ZRANB3: variants seen among roughly 807,000 people sequenced by gnomAD.
ZRANB3 encodes the protein DNA annealing helicase and endonuclease ZRANB3.
Under a neutral mutation model 133.8 loss-of-function variants are expected in ZRANB3, and 125 were observed. The ratio of observed to expected loss-of-function variants is 0.93; its 90% CI spans 0.81 to 1.08. The LOEUF (loss-of-function observed/expected upper bound fraction) is 1.08. ZRANB3 is among the 50% of genes least tolerant of loss of function. The pLI is 0.00. For synonymous variants in ZRANB3, 387 were observed against 432.7 expected, an observed-to-expected ratio of 0.89 and a Z score of 1.31; for missense variants, 1,229 against 1,275.5, an observed-to-expected ratio of 0.96 and a Z score of 0.56.
intron 3 of ZRANB3, among the ~76,000 whole-genome samples, chr2:135,359,722 A>G (rs1685589081): frequency 6.6e-6 from 1 of 152,218 alleles, no homozygotes; most frequent in Admixed American, 6.5e-5. Context: ...ACTGACACTG[A>G]CACTCAGTTT....
intron 2 of ZRANB3, among the ~76,000 whole-genome samples, chr2:135,485,056 A>T (rs1692029115): frequency 6.6e-6 from 1 of 152,074 alleles, no homozygotes; most frequent in Non-Finnish European, 1.5e-5. Context: ...ATAAATAAAA[A>T]TAAATATATT....
rs1003571045 is a variant in ZRANB3, at chr2:135,501,401, CTAT to C, written c.161+2925_161+2927del. Among the ~76,000 whole-genome samples, 41 of 152,110 alleles carry C rather than the reference CTAT, an allele frequency of 2.7e-4. 1 individual carries two copies. The highest frequency in any genetic ancestry group is 1.5e-5 in the Non-Finnish European group (1 of 68,000). ...AGAAAGTATAGCACTAACAATAGCA[CTAT>C]TATTCTTTGTCTGAAAATTCTTTAT... On this transcript the variant is annotated intron_variant, in intron 2 of 20. Coordinates refer to ENST00000264159, the MANE Select transcript of ZRANB3 (RefSeq NM_032143.4).
At chr2:135,370,391 T>C (rs1403939618) in intron 3 of ZRANB3, among the ~76,000 whole-genome samples, 3 of 152,066 alleles carry the variant, frequency 2.0e-5, no homozygotes, top group Non-Finnish European at 1.5e-5. Flanking sequence ...TGCATCCTCA[T>C]AGCTTAGCTC....
chr2:135,380,219 T>G (rs934852033), intron 3 of ZRANB3, among the ~76,000 whole-genome samples: 2 of 152,082 alleles, frequency 1.3e-5, no homozygotes, highest in Admixed American at 1.3e-4. Context: ...AATGGGAGAC[T>G]TTTAAAACCC....
chr2:135,220,854 A>ATTTTT (rs199874707), intron 15 of ZRANB3, among the ~76,000 whole-genome samples: 5 of 144,892 alleles, frequency 3.5e-5, no homozygotes, highest in African/African-American at 8.2e-5. Context: ...TGAACTAGGA[A>ATTTTT]TTTATTTTTT....
intron 2 of ZRANB3, among the ~76,000 whole-genome samples, chr2:135,418,855 T>C (rs1051787072): frequency 6.7e-6 from 1 of 150,068 alleles, no homozygotes; most frequent in African/African-American, 2.5e-5. Flanking sequence ...TAGATGAGAG[T>C]TGACAATGAA....
At chr2:135,223,285 TG>T (rs1387962069) in intron 15 of ZRANB3, among the ~76,000 whole-genome samples, 1 of 151,274 alleles carries the variant, frequency 6.6e-6, no homozygotes, top group Non-Finnish European at 1.5e-5. Flanking sequence ...AATAGAAAAA[TG>T]TAATTGTTAA....
chr2:135,479,108 C>CT (rs551277897), intron 2 of ZRANB3, among the ~76,000 whole-genome samples: 82 of 142,834 alleles, frequency 5.7e-4, no homozygotes, highest in African/African-American at 5.4e-4. Context: ...CTGGTATTGT[C>CT]TTTTTTTTTT....
chr2:135,201,502 A>G (rs1245664467), intron 20 of ZRANB3, among the ~76,000 whole-genome samples: 1 of 151,876 alleles, frequency 6.6e-6, no homozygotes, highest in Non-Finnish European at 1.5e-5. Context: ...AAAATACAAA[A>G]ATCAGCCAGG....
chr2:135,511,465 G>A (rs1366396004), intron 1 of ZRANB3: 2 of 848,790 alleles, frequency 2.4e-6, no homozygotes, highest in South Asian at 2.6e-5. Context: ...GGTGTTTGCT[G>A]TCTTTTCTTC....
In ZRANB3 at chr2:135,496,589, C is replaced by T. The variant is rs192503814; in HGVS notation, c.161+7740G>A. Reference sequence around the variant, plus strand: ...TATGTTCTAAATATTTAAAGAAATACGACACAGAACCAAAACATTGCAAAA... The same window carrying T: ...TATGTTCTAAATATTTAAAGAAATATGACACAGAACCAAAACATTGCAAAA... On this transcript the variant is annotated intron_variant, in intron 2 of 20. Coordinates refer to ENST00000264159, the MANE Select transcript of ZRANB3 (RefSeq NM_032143.4). Among the ~76,000 whole-genome samples the T allele has an allele frequency of 9.4e-4, 143 of 152,036 alleles. 1 individual carries two copies. The highest frequency in any genetic ancestry group is 3.4e-3 in the Middle Eastern group (1 of 294).
intron 2 of ZRANB3, among the ~76,000 whole-genome samples, chr2:135,446,283 A>G (rs985703976): frequency 2.0e-5 from 3 of 152,166 alleles, no homozygotes; most frequent in Non-Finnish European, 4.4e-5. Context: ...AGGGGAGACG[A>G]TAAAATACAG....
At chr2:135,294,484 C>A (rs976290227) in intron 8 of ZRANB3, among the ~76,000 whole-genome samples, 54 of 152,158 alleles carry the variant, frequency 3.5e-4, no homozygotes, top group Middle Eastern at 3.4e-3. Flanking sequence ...ATTCTTCTCT[C>A]TTTTCTTCTT....
At chr2:135,240,210 C>T (rs1182455830) in intron 12 of ZRANB3, among the ~76,000 whole-genome samples, 2 of 152,102 alleles carry the variant, frequency 1.3e-5, no homozygotes, top group Middle Eastern at 3.4e-3. Context: ...GGCATGGTGG[C>T]GTGCGCCTGT....
intron 12 of ZRANB3, among the ~76,000 whole-genome samples, chr2:135,240,074 G>A (rs1695485520): frequency 6.6e-6 from 1 of 152,144 alleles, no homozygotes; most frequent in Admixed American, 6.5e-5. Context: ...TGAGTACAGT[G>A]GCTCATGCCT....
intron 13 of ZRANB3, 147 bp from the exon 14 acceptor site, chr2:135,228,162 C>T: frequency 1.5e-6 from 1 of 653,414 alleles, no homozygotes; most frequent in African/African-American, 1.8e-5. Context: ...ACTATATACC[C>T]AGTACTATTC....
chr2:135,459,384 C>T lies in ZRANB3; in HGVS notation c.161+44945G>A, dbSNP rs548530231. On this transcript the variant is annotated intron_variant, in intron 2 of 20. Coordinates refer to ENST00000264159, the MANE Select transcript of ZRANB3 (RefSeq NM_032143.4). ...TGAGACAATGTCAGTGCCCAGCTTG[C>T]CTAGTAAAATTTGAAGCTCAAATCA... 6.6e-5 allele frequency among the ~76,000 whole-genome samples: 10 copies of T among 152,228 alleles called. No individual in the cohort carries two copies. In the East Asian group the frequency reaches 1.5e-3, roughly 23 times the overall value.
intron 8 of ZRANB3, among the ~76,000 whole-genome samples, chr2:135,298,723 A>C (rs1682284647): frequency 6.6e-6 from 1 of 152,178 alleles, no homozygotes; most frequent in African/African-American, 2.4e-5. Context: ...TGCTGAAGAT[A>C]GTAGGGCAGT....
intron 6 of ZRANB3, among the ~76,000 whole-genome samples, chr2:135,334,886 C>T (rs1333928038): frequency 6.6e-6 from 1 of 151,924 alleles, no homozygotes; most frequent in Non-Finnish European, 1.5e-5. Flanking sequence ...CAGAGCAAGA[C>T]TCCATCTCAA....
Sources: gnomAD v4.1 joint callset for allele counts (sites outside exome capture counted in the v4.1 genomes callset) on GRCh38, gnomAD v4.1.1 for gene constraint, MANE v1.5 for transcripts, NCBI Gene and HGNC (gene_info 2026-07-23, HGNC 2026-07-21) for gene names.